Variants in MUC17 observed in about 807,000 individuals in gnomAD.
MUC17 encodes the protein mucin-17.
A neutral mutation model predicts 170.3 loss-of-function variants in MUC17; 190 were observed. That is an observed-to-expected ratio of 1.12 (90% CI 0.99 to 1.26). The LOEUF (loss-of-function observed/expected upper bound fraction) is 1.26. Ranked by LOEUF, MUC17 falls within the 50% of genes most tolerant of loss-of-function variation. The probability of loss-of-function intolerance (pLI) is 0.00; values close to 1 mark genes in which losing one functional copy is unlikely to be tolerated. For missense variants in MUC17, 6,415 were observed against 5,530.0 expected (o/e 1.16, Z -5.08); for synonymous variants, 2,325 against 2,002.5 (o/e 1.16, Z -4.30).
At position 101,040,211 on chromosome 7, in the gene MUC17, G is replaced by A; in HGVS notation, c.8795G>A (p.Ser2932Asn). 6.2e-7 allele frequency: 1 copy of A among 1,612,382 alleles called. No homozygotes were observed. Among genetic ancestry groups the A allele is most frequent in the South Asian group, 1.1e-5 (1 of 90,940 alleles). Residue 2932 changes from serine (S) to asparagine (N), a missense_variant, in exon 3 of 13, where the codon AGT becomes AAT. Coordinates refer to ENST00000306151, the MANE Select transcript of MUC17 (RefSeq NM_001040105.2). ...TPSEVSTPLT[S>N]ILVSTVPVAG... Reference sequence around the variant, plus strand: ...AGTGAAGTAAGTACTCCATTAACAAGTATACTTGTCAGCACCGTGCCAGTG... The same window carrying A: ...AGTGAAGTAAGTACTCCATTAACAAATATACTTGTCAGCACCGTGCCAGTG...
Position 101,042,082 on chromosome 7 carries a change from T to C in MUC17, c.10666T>C (p.Ser3556Pro), listed in dbSNP as rs1794729556. ...TFVTSSSQASSSPATLQVTTM... is the reference protein window; with the variant it reads ...TFVTSSSQASPSPATLQVTTM... ...TGTTACCAGTTCTAGTCAAGCCAGTTCATCTCCAGCAACTCTTCAGGTCAC... is the reference window on the plus strand; with the variant it reads ...TGTTACCAGTTCTAGTCAAGCCAGTCCATCTCCAGCAACTCTTCAGGTCAC... Residue 3556 changes from serine (S) to proline (P), a missense_variant, in exon 3 of 13, where the codon TCA becomes CCA. Ser to Pro is a moderately conservative substitution (Grantham distance 74, BLOSUM62 -1). Transcript: ENST00000306151. 3.1e-6 allele frequency: 5 copies of C among 1,613,996 alleles called. No individual in the cohort carries two copies. Among genetic ancestry groups the C allele is most frequent in the Non-Finnish European group, 4.2e-6 (5 of 1,180,018 alleles).
In MUC17 at chr7:101,038,099, G is replaced by A. The variant is rs147628791; in HGVS notation, c.6683G>A (p.Ser2228Asn). The change falls in exon 3 of 13, where the codon AGC (serine) becomes AAC (asparagine). Residue 2228 changes from serine (S) to asparagine (N), a missense_variant. Ser to Asn is a conservative substitution (Grantham distance 46). Transcript: ENST00000306151. The part of the protein sequence containing the change: ...GSTPFTSMPV[S>N]TMPVVTSEAS... ...ACTCCATTCACAAGTATGCCTGTCA[G>A]CACCATGCCGGTAGTTACTTCTGAG... The A allele has an allele frequency of 8.5e-4, 1,202 of 1,406,356 alleles. 2 individuals carry two copies. The highest frequency in any genetic ancestry group is 1.1e-3 in the Non-Finnish European group (1,137 of 1,050,550). The allele number at this position is 1,406,356 out of a possible 1,614,324, so 87.1% of individuals were successfully genotyped here.
intron 7 of MUC17, 71 bp from the exon 8 acceptor site, chr7:101,051,542 C>T (rs916941002): frequency 2.5e-5 from 38 of 1,500,334 alleles, no homozygotes; most frequent in African/African-American, 2.2e-4. Flanking sequence ...CACACACACA[C>T]GTCTCAGCTC....
Position 101,035,874 on chromosome 7 carries a change from G to GA in MUC17, c.4458_4459insA (p.Val1487SerfsTer14). ...CTCCTGTTGACTCTAACAGTCCTGT[G>GA]GTCACTTCTACAGCAGTCAGTTCAT... is the stretch of plus-strand genomic sequence containing the variant. On this transcript the variant is annotated frameshift_variant, in exon 3 of 13. Transcript: ENST00000306151. LOFTEE classifies it high-confidence loss of function. 1 of 1,606,958 alleles carries GA rather than the reference G, an allele frequency of 6.2e-7. No individual in the cohort carries two copies. Among genetic ancestry groups the GA allele is most frequent in the South Asian group, 1.1e-5 (1 of 90,122 alleles).
Position 101,033,930 on chromosome 7 carries a change from C to G in MUC17, c.2514C>G (p.Thr838=), listed in dbSNP as rs765932098. ...TTPVDSNSPV[T]TSTEVSSSPT... ...CTGTTGACTCCAACAGTCCTGTGAC[C>G]ACTTCTACTGAAGTCAGTTCATCTC... Residue 838 remains threonine (T), a synonymous_variant, in exon 3 of 13, where the codon ACC becomes ACG. Transcript: ENST00000306151. The G allele has an allele frequency of 2.5e-6, 4 of 1,613,828 alleles. No individual in the cohort carries two copies. Among genetic ancestry groups the G allele is most frequent in the South Asian group, 1.1e-5 (1 of 91,066 alleles).
Position 101,035,288 on chromosome 7 carries a change from C to A in MUC17, c.3872C>A (p.Thr1291Asn), listed in dbSNP as rs1562807959. 2 of 1,608,130 alleles carry A rather than the reference C, an allele frequency of 1.2e-6. No homozygotes were observed. Among genetic ancestry groups the A allele is most frequent in the Admixed American group, 1.7e-5 (1 of 59,738 alleles). The change falls in exon 3 of 13, where the codon ACC (threonine) becomes AAC (asparagine). Residue 1291 changes from threonine (T) to asparagine (N), a missense_variant. Physicochemically the swap from Thr to Asn is moderately conservative, Grantham distance 65. Coordinates refer to ENST00000306151, the MANE Select transcript of MUC17 (RefSeq NM_001040105.2). ...ATACCTGTCAGCACCACGCTGGTGA[C>A]CAGTCCTGAGGCTAGCACCCTTTTA... is the stretch of plus-strand genomic sequence containing the variant. The part of the protein sequence containing the change: ...TSIPVSTTLV[T>N]SPEASTLLTT...
In MUC17 at chr7:101,034,946, C is replaced by T. The variant is rs1265971492; in HGVS notation, c.3530C>T (p.Ala1177Val). The T allele has an allele frequency of 6.2e-7, 1 of 1,614,122 alleles. No homozygotes were observed. Residue 1177 changes from alanine to valine, a missense_variant, in exon 3 of 13, where the codon GCT becomes GTT. Physicochemically the swap from Ala to Val is moderately conservative, Grantham distance 64 (BLOSUM62 0). Coordinates refer to ENST00000306151, the MANE Select transcript of MUC17 (RefSeq NM_001040105.2). ...VSTTLVVSSE[A>V]NTLSTTPVDS... ...ACCACGCTGGTGGTCAGTTCTGAGG[C>T]TAACACCCTTTCAACAACTCCTGTG...
Position 101,036,493 on chromosome 7 carries a change from A to G in MUC17, c.5077A>G (p.Thr1693Ala). Residue 1693 changes from threonine to alanine, a missense_variant, in exon 3 of 13, where the codon ACA becomes GCA. Physicochemically the swap from Thr to Ala is moderately conservative, Grantham distance 58. Transcript: ENST00000306151. Reference protein sequence around the residue: ...STYTEGRTPLTSITVRTTPVA... With the variant: ...STYTEGRTPLASITVRTTPVA... ...TTATACTGAAGGAAGAACTCCTTTA[A>G]CAAGTATAACTGTCAGAACAACACC... is the stretch of plus-strand genomic sequence containing the variant. The G allele has an allele frequency of 6.2e-7, 1 of 1,610,866 alleles. No homozygotes were observed. Among genetic ancestry groups the G allele is most frequent in the African/African-American group, 1.3e-5 (1 of 74,738 alleles).
At chr7:101,022,568 T>C (rs530325587) in intron 1 of MUC17, among the ~76,000 whole-genome samples, 2 of 152,334 alleles carry the variant, frequency 1.3e-5, no homozygotes, top group South Asian at 2.1e-4. Flanking sequence ...CTCATGCCTA[T>C]AATCCAGGCA....
intron 1 of MUC17, among the ~76,000 whole-genome samples, chr7:101,023,847 T>C (rs983983422): frequency 6.6e-6 from 1 of 152,366 alleles, no homozygotes; most frequent in African/African-American, 2.4e-5. Context: ...GTCAGCAATG[T>C]ATAAGCATTC....
rs779939140 is a variant in MUC17 at position 101,032,013 on chromosome 7, T to C, written c.597T>C (p.Thr199=). The change falls in exon 3 of 13, where the codon ACT becomes ACC. Residue 199 remains threonine (T), a synonymous_variant. Transcript: ENST00000306151. ...CTACTCAGGCAAGTTCATCTCCTAC[T>C]ACTCCTGAAAGCACCACCATACCCA... is the stretch of plus-strand genomic sequence containing the variant. ...TTSTQASSSP[T]TPESTTIPKS... 3.1e-6 allele frequency: 5 copies of C among 1,614,194 alleles called. No homozygotes were observed. Among genetic ancestry groups the C allele is most frequent in the Admixed American group, 1.7e-5 (1 of 60,028 alleles).
intron 1 of MUC17, among the ~76,000 whole-genome samples, 168 bp downstream of exon 1, chr7:101,020,385 G>A (rs1189463256): frequency 6.6e-6 from 1 of 152,122 alleles, no homozygotes; most frequent in Non-Finnish European, 1.5e-5. Flanking sequence ...TCTCTCCCCA[G>A]CGAGCTTTGG....
In MUC17 at chr7:101,031,109, G is replaced by A. The variant is rs749814718; in HGVS notation, c.83-11G>A. On this transcript the variant is annotated splice_polypyrimidine_tract_variant and intron_variant, in intron 1 of 12. Coordinates refer to ENST00000306151, the MANE Select transcript of MUC17 (RefSeq NM_001040105.2). ...GGCTCTGGGATACTAACTCCCCTTTGTCTCTTTCAGACCTCAGTGTGAACA... is the reference window on the plus strand; with the variant it reads ...GGCTCTGGGATACTAACTCCCCTTTATCTCTTTCAGACCTCAGTGTGAACA... 2 of 1,604,882 alleles carry A rather than the reference G, an allele frequency of 1.2e-6. No individual in the cohort carries two copies. Among genetic ancestry groups the A allele is most frequent in the Admixed American group, 3.4e-5 (2 of 58,940 alleles).
In MUC17 at chr7:101,032,724, T is replaced by G; in HGVS notation, c.1308T>G (p.Thr436=). 2 of 1,577,888 alleles carry G rather than the reference T, an allele frequency of 1.3e-6. No individual in the cohort carries two copies. The highest frequency in any genetic ancestry group is 1.7e-6 in the Non-Finnish European group (2 of 1,155,230). ...TASEASSSPT[T]AEDTSIATST... The stretch of plus-strand genomic sequence containing the variant: ...GTGAAGCCAGCTCATCTCCCACAAC[T>G]GCTGAAGATACCAGCATTGCAACCT... The change falls in exon 3 of 13, where the codon ACT becomes ACG. Residue 436 remains threonine, a synonymous_variant. Coordinates refer to ENST00000306151, the MANE Select transcript of MUC17 (RefSeq NM_001040105.2).
intron 2 of MUC17, 26 bp downstream of exon 2, chr7:101,031,247 T>A: frequency 6.3e-7 from 1 of 1,599,142 alleles, no homozygotes; most frequent in Middle Eastern, 1.7e-4. Context: ...CCAAGATCTA[T>A]CTGGGAAGGT....
rs1351137874 is a variant in MUC17, at chr7:101,053,455, G to A, written c.13363+19G>A. On this transcript the variant is annotated intron_variant, in intron 11 of 12. Transcript: ENST00000306151. ...TGCCAAGGTATTGGCCTTCCTCTCT[G>A]AACTCAGAATGGCTCAAAATGTGGA... The A allele has an allele frequency of 6.2e-6, 10 of 1,601,302 alleles. No homozygotes were observed. In the South Asian group the frequency reaches 1.1e-4, roughly 18 times the overall value.
chr7:101,042,562 A>G lies in MUC17; in HGVS notation c.11146A>G (p.Thr3716Ala). The G allele has an allele frequency of 6.2e-7, 1 of 1,614,102 alleles. No individual in the cohort carries two copies. The stretch of plus-strand genomic sequence containing the variant: ...CAGCTCTGAGGGTAGCACCCTTTCA[A>G]CACCTTCTGTTGTCACCAGCACACC... ...VTSSEGSTLS[T>A]PSVVTSTPVT... The change falls in exon 3 of 13, where the codon ACA becomes GCA. Residue 3716 changes from threonine to alanine, a missense_variant. Physicochemically the swap from Thr to Ala is moderately conservative, Grantham distance 58. Transcript: ENST00000306151.
Position 101,039,088 on chromosome 7 carries a change from T to A in MUC17, c.7672T>A (p.Ser2558Thr), listed in dbSNP as rs781092412. Residue 2558 changes from serine (S) to threonine (T), a missense_variant, in exon 3 of 13, where the codon TCC becomes ACC. Transcript: ENST00000306151. The part of the protein sequence containing the change: ...TSTEISSSAT[S>T]AEGTSMPTST... ...TACTGAAATCAGTTCATCTGCTACA[T>A]CCGCTGAAGGTACCAGCATGCCTAC... 13 of 1,605,652 alleles carry A rather than the reference T, an allele frequency of 8.1e-6. 1 individual carries two copies. The South Asian group carries it at 1.4e-4, about 18-fold the overall frequency.
intron 6 of MUC17, among the ~76,000 whole-genome samples, chr7:101,050,218 C>A (rs906355923): frequency 4.6e-5 from 7 of 152,190 alleles, no homozygotes; most frequent in African/African-American, 1.7e-4. Flanking sequence ...TCCCTAAGAC[C>A]TACCAGAGAC....
Sources: allele counts gnomAD v4.1 joint callset (sites outside exome capture counted in the v4.1 genomes callset), GRCh38; gene constraint gnomAD v4.1.1; transcripts MANE v1.5; gene names NCBI Gene and HGNC (gene_info 2026-07-23, HGNC 2026-07-21).